TCEA3: variants seen among roughly 807,000 people sequenced by gnomAD.
TCEA3 encodes the protein transcription elongation factor A3, also known as transcription elongation factor A protein 3.
In TCEA3, 36 loss-of-function variants were observed where a neutral mutation model predicts 44.0. The observed-to-expected ratio is 0.82, with a 90% confidence interval of 0.63 to 1.08. The LOEUF (loss-of-function observed/expected upper bound fraction) is 1.08. Among genes scored for constraint, TCEA3 ranks in the 50% least tolerant of loss-of-function variants. The pLI is 0.00. For synonymous variants in TCEA3, 162 were observed against 159.7 expected, an observed-to-expected ratio of 1.01 and a Z score of -0.11; for missense variants, 392 against 441.2, an observed-to-expected ratio of 0.89 and a Z score of 1.00.
Position 23,397,565 on chromosome 1 carries a change from A to G in TCEA3, c.644T>C (p.Met215Thr), listed in dbSNP as rs968670267. The G allele has an allele frequency of 6.2e-7, 1 of 1,613,760 alleles. No homozygotes were observed. Among genetic ancestry groups the G allele is most frequent in the African/African-American group, 1.3e-5 (1 of 74,912 alleles). Reference sequence around the variant, plus strand: ...GATATGATCTTCGATTTCTGATGCCATCTTGTCACAGTTGACTCCATAGTC... The same window carrying G: ...GATATGATCTTCGATTTCTGATGCCGTCTTGTCACAGTTGACTCCATAGTC... ...YKDYGVNCDK[M>T]ASEIEDHIYQ... The change falls in exon 7 of 11, where the codon ATG becomes ACG. Residue 215 changes from methionine (M) to threonine (T), a missense_variant. By Grantham distance (81) the Met-to-Thr change is moderately conservative. Transcript: ENST00000450454.
intron 10 of TCEA3, among the ~76,000 whole-genome samples, chr1:23,383,256 G>A (rs1487013096): frequency 6.9e-6 from 1 of 145,078 alleles, no homozygotes; most frequent in East Asian, 2.0e-4. Flanking sequence ...CTCCAGCCTG[G>A]GCAACAGAGC....
At chr1:23,399,540 A>T (rs1017749724) in intron 5 of TCEA3, among the ~76,000 whole-genome samples, 1 of 152,160 alleles carries the variant, frequency 6.6e-6, no homozygotes, top group African/African-American at 2.4e-5. Flanking sequence ...CATTCAGCCC[A>T]TAATACCATG....
intron 1 of TCEA3, among the ~76,000 whole-genome samples, chr1:23,420,132 T>C (rs716243): frequency 0.13 from 19,836 of 152,260 alleles, 1,859 homozygotes; most frequent in Non-Finnish European, 0.2. Context: ...AAAACCCTTT[T>C]TTATCTGGCT....
At chr1:23,383,300 T>G (rs1039161233) in intron 10 of TCEA3, 19 of 365,004 alleles carry the variant, frequency 5.2e-5, no homozygotes, top group Admixed American at 3.7e-4. Flanking sequence ...AAAAAAAAAG[T>G]AAAAGAATTG....
At chr1:23,404,469 G>C (rs542860732) in intron 5 of TCEA3, among the ~76,000 whole-genome samples, 1 of 151,868 alleles carries the variant, frequency 6.6e-6, no homozygotes, top group Non-Finnish European at 1.5e-5. Context: ...ATGTTCCCAC[G>C]GTGTTTTATA....
At chr1:23,406,473 C>T (rs1558054197) in intron 5 of TCEA3, among the ~76,000 whole-genome samples, 1 of 152,124 alleles carries the variant, frequency 6.6e-6, no homozygotes, top group African/African-American at 2.4e-5. Flanking sequence ...CCTGGCCTGG[C>T]CTGCTCTCCT....
chr1:23,402,661 G>A lies in TCEA3; in HGVS notation c.444-4706C>T, dbSNP rs575533845. 7.9e-5 allele frequency among the ~76,000 whole-genome samples: 12 copies of A among 152,176 alleles called. No individual in the cohort carries two copies. In the South Asian group the frequency reaches 1.5e-3, roughly 18 times the overall value. On this transcript the variant is annotated intron_variant, in intron 5 of 10. Coordinates refer to ENST00000450454, the MANE Select transcript of TCEA3 (RefSeq NM_003196.3). ...TCTCTAGCACATCACCTGATTTCTCGCTTTTACAGCACTTATCCAAGTGTA... is the reference window on the plus strand; with the variant it reads ...TCTCTAGCACATCACCTGATTTCTCACTTTTACAGCACTTATCCAAGTGTA...
intron 1 of TCEA3, among the ~76,000 whole-genome samples, chr1:23,422,428 A>G (rs1257333134): frequency 6.6e-6 from 1 of 152,210 alleles, no homozygotes. Flanking sequence ...CTGTTAGTGC[A>G]TGCTCAGAGG....
At position 23,384,429 on chromosome 1, in the gene TCEA3, A is replaced by G; in HGVS notation, c.967-12T>C. 14 of 1,611,628 alleles carry G rather than the reference A, an allele frequency of 8.7e-6. No individual in the cohort carries two copies. Among genetic ancestry groups the G allele is most frequent in the Non-Finnish European group, 1.1e-5 (13 of 1,178,710 alleles). ...CTGCGTGTCTGCACCTGAGAGAGAG[A>G]AGAACCACTCATGAAGTCACTCCCC... On this transcript the variant is annotated splice_polypyrimidine_tract_variant and intron_variant, in intron 9 of 10. Transcript: ENST00000450454.
chr1:23,405,026 G>A (rs1400520610), intron 5 of TCEA3, among the ~76,000 whole-genome samples: 1 of 152,036 alleles, frequency 6.6e-6, no homozygotes, highest in Non-Finnish European at 1.5e-5. Flanking sequence ...AAAATTGGAA[G>A]ACATGGCACC....
chr1:23,387,123 G>A (rs1638866206), intron 9 of TCEA3, 150 bp downstream of exon 9: 1 of 1,016,436 alleles, frequency 9.8e-7, no homozygotes, highest in African/African-American at 1.6e-5. Flanking sequence ...AAAGTGCTGT[G>A]ATTACAGACA....
chr1:23,396,547 A>C (rs1336513741), intron 7 of TCEA3, among the ~76,000 whole-genome samples: 2 of 152,156 alleles, frequency 1.3e-5, no homozygotes, highest in Admixed American at 6.6e-5. Context: ...TGGAATCCAA[A>C]GACAAAGTCT....
rs753681046 is a variant in TCEA3 at position 23,384,244 on chromosome 1, G to A, written c.1038+102C>T. On this transcript the variant is annotated intron_variant, in intron 10 of 10. Transcript: ENST00000450454. Reference sequence around the variant, plus strand: ...ACCTACTCTGTGCAGGCTGGCAAGTGCTGCCATGCACAAGGCCCCTTCTGG... The same window carrying A: ...ACCTACTCTGTGCAGGCTGGCAAGTACTGCCATGCACAAGGCCCCTTCTGG... The A allele has an allele frequency of 2.0e-5, 32 of 1,599,202 alleles. 1 individual carries two copies. In the African/African-American group the frequency reaches 3.1e-4, roughly 15 times the overall value.
At chr1:23,419,314 A>T in intron 1 of TCEA3, 175 bp from the exon 2 acceptor site, 2 of 411,218 alleles carry the variant, frequency 4.9e-6, no homozygotes, top group Non-Finnish European at 8.6e-6. Context: ...GTGGTGCTCT[A>T]ACTTCATCCC....
intron 10 of TCEA3, chr1:23,383,632 AC>A: frequency 8.1e-6 from 8 of 985,430 alleles, no homozygotes; most frequent in Non-Finnish European, 9.6e-6. Flanking sequence ...GTACCTTAGA[AC>A]TTTTGGAGCA....
chr1:23,408,166 T>G (rs1639600966), intron 5 of TCEA3, among the ~76,000 whole-genome samples: 1 of 152,192 alleles, frequency 6.6e-6, no homozygotes, highest in African/African-American at 2.4e-5. Context: ...TTTGCCATGT[T>G]GGCCAGGCTG....
At chr1:23,398,742 C>T (rs1370250882) in intron 5 of TCEA3, among the ~76,000 whole-genome samples, 3 of 152,098 alleles carry the variant, frequency 2.0e-5, no homozygotes, top group East Asian at 1.9e-4. Flanking sequence ...CTAATTCCAA[C>T]ATCTATGCTC....
intron 5 of TCEA3, among the ~76,000 whole-genome samples, chr1:23,402,869 T>A (rs559874471): frequency 6.6e-6 from 1 of 152,104 alleles, no homozygotes; most frequent in Admixed American, 6.6e-5. Flanking sequence ...AATGAATACA[T>A]GATGAATTGA....
At chr1:23,415,014 CTTTTTTTTTTTTTT>C (rs59946326) in intron 4 of TCEA3, among the ~76,000 whole-genome samples, 3 of 43,116 alleles carry the variant, frequency 7.0e-5, no homozygotes, top group East Asian at 9.4e-4. Context: ...CTTTACTGTT[CTTTTTTTTTTTTTT>C]TTTTTTTTTT....
Sources: allele counts gnomAD v4.1 joint callset (sites outside exome capture counted in the v4.1 genomes callset), GRCh38; gene constraint gnomAD v4.1.1; transcripts MANE v1.5; gene names NCBI Gene and HGNC (gene_info 2026-07-23, HGNC 2026-07-21).